The following RASSF6 variants were observed in gnomAD, a reference collection of about 807,000 sequenced individuals.
RASSF6 encodes the protein Ras association domain family member 6.
In RASSF6, 52 loss-of-function variants were observed where a neutral mutation model predicts 44.0. That is an observed-to-expected ratio of 1.18 (90% confidence interval 0.95 to 1.49). The LOEUF is 1.49. RASSF6 is among the 40% of genes most tolerant of loss of function. The pLI is 0.00. For synonymous variants in RASSF6, 162 were observed against 124.6 expected, an observed-to-expected ratio of 1.30 and a Z score of -2.00; for missense variants, 464 against 393.3, an observed-to-expected ratio of 1.18 and a Z score of -1.52.
At position 73,611,859 on chromosome 4, in the gene RASSF6, T is replaced by C. The variant is rs757477984; in HGVS notation, c.-34-30A>G. Reference sequence around the variant, plus strand: ...ACATGAGAATAATATTAATGATTTGTTCCTATAATGCATTAAAAAATTAGT... The same window carrying C: ...ACATGAGAATAATATTAATGATTTGCTCCTATAATGCATTAAAAAATTAGT... On this transcript the variant is annotated intron_variant, in intron 1 of 10. Transcript: ENST00000307439. 4 of 1,381,110 alleles carry C rather than the reference T, an allele frequency of 2.9e-6. No individual in the cohort carries two copies. The East Asian group carries it at 6.9e-5, about 24-fold the overall frequency. The allele number at this position is 1,381,110 out of a possible 1,614,324, so 85.6% of individuals were successfully genotyped here. A position where few individuals can be genotyped will look rare whatever the true frequency, so the allele number is the denominator to read the frequency against.
intron 6 of RASSF6, among the ~76,000 whole-genome samples, chr4:73,584,253 C>T (rs941187827): frequency 6.6e-6 from 1 of 152,072 alleles, no homozygotes; most frequent in African/African-American, 2.4e-5. Context: ...GAAATCCTTA[C>T]AGGAAAAAGC....
rs1726020012 is a variant in RASSF6, at chr4:73,611,679, T to A, written c.65+52A>T. On this transcript the variant is annotated intron_variant, in intron 2 of 10. Transcript: ENST00000307439. ...TGCTTAGAAAACTTTGACGGTATAT[T>A]CCACAAATGACTGGTGAGTAGGACA... The A allele has an allele frequency of 8.3e-6, 10 of 1,198,060 alleles. No homozygotes were observed. The South Asian group carries it at 1.2e-4, about 14-fold the overall frequency. The allele number at this position is 1,198,060 out of a possible 1,614,324, so 74.2% of individuals were successfully genotyped here.
At chr4:73,591,236 C>T (rs1560448104) in intron 4 of RASSF6, among the ~76,000 whole-genome samples, 1 of 152,032 alleles carries the variant, frequency 6.6e-6, no homozygotes, top group Admixed American at 6.5e-5. Context: ...TGCATAAAAA[C>T]ATGTATCCCA....
rs1366019565 is a variant in RASSF6 at position 73,585,252 on chromosome 4, C to T, written c.495G>A (p.Lys165=). 10 of 1,612,804 alleles carry T rather than the reference C, an allele frequency of 6.2e-6. No homozygotes were observed. Among genetic ancestry groups the T allele is most frequent in the Middle Eastern group, 3.3e-4 (2 of 6,052 alleles). ...SEAALVRKRM[K]PLMMDRKERQ... ...TTTCTTTTCTGTCCATCATCAGAGG[C>T]TTCATCCTTTTTCTCACCAGAGCTG... is the stretch of plus-strand genomic sequence containing the variant. Residue 165 remains lysine, a synonymous_variant, in exon 6 of 11, where the codon AAG becomes AAA. Coordinates refer to ENST00000307439, the MANE Select transcript of RASSF6 (RefSeq NM_177532.5).
Position 73,574,055 on chromosome 4 carries a change from C to G in RASSF6, c.*2180G>C, listed in dbSNP as rs898581524. 6.6e-6 allele frequency: 1 copy of G among 152,356 alleles called. No homozygotes were observed. Among genetic ancestry groups the G allele is most frequent in the African/African-American group, 2.4e-5 (1 of 41,444 alleles). The allele number at this position is 152,356 out of a possible 1,614,324, so 9.4% of individuals were successfully genotyped here. On this transcript the variant is annotated 3_prime_UTR_variant, in exon 11 of 11. Transcript: ENST00000307439. ...GCTTTCTCCAGCATTTCTCCACTTG[C>G]TTCTCTAGCTTTTGCTTTGGGCAGT...
intron 2 of RASSF6, among the ~76,000 whole-genome samples, chr4:73,601,412 G>C (rs1290688482): frequency 6.6e-6 from 1 of 152,154 alleles, no homozygotes; most frequent in East Asian, 1.9e-4. Flanking sequence ...CTGGCTCTTC[G>C]CAGAGAAAGT....
chr4:73,617,429 C>T (rs1726435862), intron 1 of RASSF6, among the ~76,000 whole-genome samples: 1 of 152,224 alleles, frequency 6.6e-6, no homozygotes, highest in Admixed American at 6.5e-5. Context: ...GGAGGCGCTG[C>T]TCAGTCTGCC....
chr4:73,579,912 T>A (rs1044292475), intron 8 of RASSF6, among the ~76,000 whole-genome samples: 3 of 152,046 alleles, frequency 2.0e-5, no homozygotes, highest in South Asian at 4.1e-4. Context: ...AGGGTACATG[T>A]GCACAATGTG....
chr4:73,620,383 G>A lies in RASSF6; in HGVS notation c.-130C>T, dbSNP rs185437584. On this transcript the variant is annotated 5_prime_UTR_variant, in exon 1 of 11. Transcript: ENST00000307439. ...GTTCTCGGCTGGGTCAGGAACTCTG[G>A]TAGAGGGAAACCAGTGCCCTGTCTC... The A allele has an allele frequency of 1.3e-6, 2 of 1,529,866 alleles. No homozygotes were observed. The highest frequency in any genetic ancestry group is 1.2e-5 in the South Asian group (1 of 80,816). The allele number at this position is 1,529,866 out of a possible 1,614,324, so 94.8% of individuals were successfully genotyped here.
chr4:73,580,429 A>AT (rs1723542659), intron 8 of RASSF6, among the ~76,000 whole-genome samples: 1 of 150,240 alleles, frequency 6.7e-6, no homozygotes, highest in Non-Finnish European at 1.5e-5. Flanking sequence ...CTAGTTCTAG[A>AT]TCCCTGAGGA....
intron 2 of RASSF6, among the ~76,000 whole-genome samples, chr4:73,599,426 C>T (rs1186668677): frequency 6.6e-6 from 1 of 152,210 alleles, no homozygotes; most frequent in Admixed American, 6.5e-5. Flanking sequence ...GCCCTTCTAG[C>T]TGGGTATCAA....
At chr4:73,602,191 T>C (rs1725319976) in intron 2 of RASSF6, among the ~76,000 whole-genome samples, 1 of 152,208 alleles carries the variant, frequency 6.6e-6, no homozygotes, top group South Asian at 2.1e-4. Flanking sequence ...TTTAAGAAAC[T>C]TGGAATTCAC....
chr4:73,602,891 AT>A (rs1250235068), intron 2 of RASSF6, among the ~76,000 whole-genome samples: 1 of 152,136 alleles, frequency 6.6e-6, no homozygotes, highest in African/African-American at 2.4e-5. Flanking sequence ...GATAGAGACC[AT>A]CCTGGATAAC....
chr4:73,588,814 T>TCATCATCAC (rs896118011), intron 4 of RASSF6, among the ~76,000 whole-genome samples: 6 of 151,814 alleles, frequency 4.0e-5, no homozygotes, highest in African/African-American at 1.4e-4. Context: ...ATCATCATCA[T>TCATCATCAC]CATCACCAGC....
chr4:73,586,455 T>C (rs529379283), intron 5 of RASSF6, among the ~76,000 whole-genome samples: 2 of 152,144 alleles, frequency 1.3e-5, no homozygotes, highest in Admixed American at 6.6e-5. Context: ...AGCTACAATG[T>C]GTTACTAGCC....
chr4:73,614,865 C>A (rs1176282744), intron 1 of RASSF6, among the ~76,000 whole-genome samples: 1 of 152,056 alleles, frequency 6.6e-6, no homozygotes, highest in African/African-American at 2.4e-5. Context: ...ATAAAATTTT[C>A]ATTCATAGGC....
At chr4:73,612,482 T>TTCTTTTTG (rs766160902) in intron 1 of RASSF6, among the ~76,000 whole-genome samples, 1 of 23,224 alleles carries the variant, frequency 4.3e-5, no homozygotes, top group African/African-American at 1.1e-4. Context: ...CAGTTTTCTT[T>TTCTTTTTG]TTTTTTTTTT....
Position 73,611,165 on chromosome 4 carries a change from C to T in RASSF6, c.65+566G>A, listed in dbSNP as rs140709870. On this transcript the variant is annotated intron_variant, in intron 2 of 10. Transcript: ENST00000307439. ...ATTTTTTCATGATTTCATCTCCTCT[C>T]AGCCCCCAGCCTCTGCTGTAGCTTG... Among the ~76,000 whole-genome samples the T allele has an allele frequency of 7.2e-5, 11 of 152,276 alleles. No homozygotes were observed. The East Asian group carries it at 1.9e-3, about 27-fold the overall frequency.
rs925192880 is a variant in RASSF6 at position 73,576,594 on chromosome 4, A to T, written c.840+19T>A. On this transcript the variant is annotated intron_variant, in intron 9 of 10. Transcript: ENST00000307439. Reference sequence around the variant, plus strand: ...CAGGAGGGAAGCAAAAAACAGATTCAGGGTGATGGTATTCATACATCACTG... The same window carrying T: ...CAGGAGGGAAGCAAAAAACAGATTCTGGGTGATGGTATTCATACATCACTG... 1.3e-6 allele frequency: 2 copies of T among 1,576,422 alleles called. No individual in the cohort carries two copies.
Sources: gnomAD v4.1 joint callset for allele counts (sites outside exome capture counted in the v4.1 genomes callset) on GRCh38, gnomAD v4.1.1 for gene constraint, MANE v1.5 for transcripts, NCBI Gene and HGNC (gene_info 2026-07-23, HGNC 2026-07-21) for gene names.